RAB38: variants seen among roughly 807,000 people sequenced by gnomAD.
The protein encoded by RAB38 is RAB38, member RAS oncogene family, also known as ras-related protein Rab-38.
Under a neutral mutation model 18.4 loss-of-function variants are expected in RAB38, and 15 were observed. The ratio of observed to expected loss-of-function variants is 0.82; its 90% CI spans 0.55 to 1.26. The LOEUF (loss-of-function observed/expected upper bound fraction) is 1.26, where lower values mean the gene tolerates loss of function less well. RAB38 is among the 50% of genes most tolerant of loss of function. The probability of loss-of-function intolerance (pLI) is 0.00; values close to 1 mark genes in which losing one functional copy is unlikely to be tolerated. For synonymous variants in RAB38, 101 were observed against 104.4 expected (o/e 0.97, Z 0.20); for missense variants, 294 against 267.4 (o/e 1.10, Z -0.69).
chr11:88,137,940 T>C (rs1328866954), intron 2 of RAB38, among the ~76,000 whole-genome samples: 2 of 152,240 alleles, frequency 1.3e-5, no homozygotes, highest in Non-Finnish European at 2.9e-5. Context: ...GAGGAATCTA[T>C]ACCCATCTAG....
At chr11:88,139,066 G>C (rs1942873344) in intron 2 of RAB38, among the ~76,000 whole-genome samples, 1 of 152,124 alleles carries the variant, frequency 6.6e-6, no homozygotes, top group Admixed American at 6.5e-5. Context: ...TAACAGGTGT[G>C]AGCCACCATG....
At chr11:88,037,490 T>C in the RAB38 span, among the ~76,000 whole-genome samples, 1 of 152,092 alleles carries the variant, frequency 6.6e-6, no homozygotes, top group African/African-American at 2.4e-5. Flanking sequence ...TTGAGCACTC[T>C]TGGAAGTGCA....
rs374241827 is a variant in RAB38, at chr11:88,175,174, C to T, written c.202+9G>A. The T allele has an allele frequency of 7.6e-6, 12 of 1,588,814 alleles. No individual in the cohort carries two copies. Among genetic ancestry groups the T allele is most frequent in the East Asian group, 4.6e-5 (2 of 43,910 alleles). On this transcript the variant is annotated intron_variant, in intron 1 of 2. Coordinates refer to ENST00000243662, the MANE Select transcript of RAB38 (RefSeq NM_022337.3). ...CTCTATCCCCCTGACCCCCTCCCCC[C>T]GCGCTCACCTGCGATATCCCAGAGC...
At position 88,169,266 on chromosome 11, in the gene RAB38, CTAGTT is replaced by C. The variant is rs1430217945; in HGVS notation, c.202+5912_202+5916del. Among the ~76,000 whole-genome samples, 47 of 152,270 alleles carry C rather than the reference CTAGTT, an allele frequency of 3.1e-4. 1 individual carries two copies. The highest frequency in any genetic ancestry group is 1.1e-3 in the African/African-American group (46 of 41,562). Reference sequence around the variant, plus strand: ...AAGTCCACTGAATGTGGACAAATGTCTAGTTTAGACTTACAAATAGCATCATTTAC... The same window carrying C: ...AAGTCCACTGAATGTGGACAAATGTCTAGACTTACAAATAGCATCATTTAC... On this transcript the variant is annotated intron_variant, in intron 1 of 2. Transcript: ENST00000243662.
At chr11:87,857,733 T>C in the RAB38 span, among the ~76,000 whole-genome samples, 1 of 152,208 alleles carries the variant, frequency 6.6e-6, no homozygotes, top group Non-Finnish European at 1.5e-5. Flanking sequence ...CTTGTAAGTT[T>C]GTTTGAGTTC....
chr11:88,152,587 T>A (rs1106943), intron 1 of RAB38, among the ~76,000 whole-genome samples: 38,495 of 151,910 alleles, frequency 0.25, 4,947 homozygotes, highest in Non-Finnish European at 0.28. Context: ...CAGCAAGAGG[T>A]CACACTTAGA....
At chr11:87,976,950 TATA>T in the RAB38 span, among the ~76,000 whole-genome samples, 108 of 27,752 alleles carry the variant, frequency 3.9e-3, 40 homozygotes, top group East Asian at 5.3e-3. Flanking sequence ...TATTATAAAA[TATA>T]ATTACATTAT....
chr11:88,115,934 T>C (rs1464278945), intron 2 of RAB38: 1 of 152,286 alleles, frequency 6.6e-6, no homozygotes, highest in Non-Finnish European at 1.5e-5. Flanking sequence ...AGGGTGGGGA[T>C]GGCATTTCTT....
the RAB38 span, among the ~76,000 whole-genome samples, chr11:87,964,714 G>GA: frequency 5.3e-5 from 8 of 150,486 alleles, no homozygotes; most frequent in South Asian, 2.1e-4. Flanking sequence ...AATGGGCTAG[G>GA]AAAAAAAAAT....
intron 2 of RAB38, among the ~76,000 whole-genome samples, chr11:88,116,286 C>A (rs984674986): frequency 6.6e-6 from 1 of 152,176 alleles, no homozygotes; most frequent in African/African-American, 2.4e-5. Flanking sequence ...GGGGTCTCCT[C>A]GCCCAGACTT....
At chr11:87,846,378 G>A in the RAB38 span, among the ~76,000 whole-genome samples, 1 of 151,994 alleles carries the variant, frequency 6.6e-6, no homozygotes, top group Admixed American at 6.6e-5. Flanking sequence ...ACACAAATAA[G>A]TTTAAAGTAA....
chr11:88,130,802 G>T (rs891146851), intron 2 of RAB38, among the ~76,000 whole-genome samples: 1 of 152,106 alleles, frequency 6.6e-6, no homozygotes, highest in African/African-American at 2.4e-5. Context: ...TTTATCAGAA[G>T]ATTGGATGAA....
chr11:87,804,359 C>T, the RAB38 span, among the ~76,000 whole-genome samples: 1 of 152,126 alleles, frequency 6.6e-6, no homozygotes, highest in South Asian at 2.1e-4. Flanking sequence ...CTGTGGGTGT[C>T]TTCAGCACTA....
chr11:88,021,222 C>A, the RAB38 span, among the ~76,000 whole-genome samples: 1 of 151,954 alleles, frequency 6.6e-6, no homozygotes, highest in South Asian at 2.1e-4. Flanking sequence ...AGAGAGAAGA[C>A]CCAAATAAGT....
At chr11:87,931,464 T>C in the RAB38 span, among the ~76,000 whole-genome samples, 1 of 152,090 alleles carries the variant, frequency 6.6e-6, no homozygotes, top group Admixed American at 6.6e-5. Flanking sequence ...CTACTTTTGC[T>C]TGGGAGGGAT....
chr11:88,044,932 A>G, the RAB38 span, among the ~76,000 whole-genome samples: 1 of 152,042 alleles, frequency 6.6e-6, no homozygotes, highest in African/African-American at 2.4e-5. Context: ...TCTGGCTTAC[A>G]GTTTCATTCT....
the RAB38 span, among the ~76,000 whole-genome samples, chr11:87,881,702 T>G: frequency 6.9e-6 from 1 of 145,182 alleles, no homozygotes; most frequent in African/African-American, 2.8e-5. Flanking sequence ...TTAGTTCTTT[T>G]TAGCCACTAA....
chr11:87,929,628 T>C, the RAB38 span, among the ~76,000 whole-genome samples: 1 of 151,888 alleles, frequency 6.6e-6, no homozygotes, highest in Admixed American at 6.6e-5. Flanking sequence ...GTTAGTTACA[T>C]ATGTATACAT....
chr11:88,025,099 T>C, the RAB38 span, among the ~76,000 whole-genome samples: 1 of 152,070 alleles, frequency 6.6e-6, no homozygotes, highest in Non-Finnish European at 1.5e-5. Flanking sequence ...TTACATATTG[T>C]ATGCCTCAAC....
Sources: allele counts gnomAD v4.1 joint callset (sites outside exome capture counted in the v4.1 genomes callset), GRCh38; gene constraint gnomAD v4.1.1; transcripts MANE v1.5; gene names NCBI Gene and HGNC (gene_info 2026-07-23, HGNC 2026-07-21).